Variants in CLSTN1 observed in about 807,000 individuals in gnomAD.
CLSTN1 encodes calsyntenin 1.
A neutral mutation model predicts 108.3 loss-of-function variants in CLSTN1; 28 were observed. That is an observed-to-expected ratio of 0.26 (90% CI 0.19 to 0.35). The LOEUF is 0.35. Among genes scored for constraint, CLSTN1 ranks in the 10% least tolerant of loss-of-function variants. The pLI is 1.00. For synonymous variants in CLSTN1, 524 were observed against 534.9 expected (o/e 0.98, Z 0.28); for missense variants, 1,157 against 1,302.6 (o/e 0.89, Z 1.72).
At chr1:9,793,153 T>G (rs1274890583) in intron 1 of CLSTN1, among the ~76,000 whole-genome samples, 1 of 151,184 alleles carries the variant, frequency 6.6e-6, no homozygotes, top group Non-Finnish European at 1.5e-5. Flanking sequence ...GCTGGGACTA[T>G]AAGCACGCGC....
intron 1 of CLSTN1, among the ~76,000 whole-genome samples, chr1:9,779,770 G>A (rs935202406): frequency 3.3e-5 from 5 of 151,944 alleles, no homozygotes; most frequent in Non-Finnish European, 7.4e-5. Context: ...TAGGCTGGAA[G>A]AAGCTTAGAG....
chr1:9,759,339 G>A (rs1411884778), intron 2 of CLSTN1, among the ~76,000 whole-genome samples: 1 of 151,926 alleles, frequency 6.6e-6, no homozygotes, highest in African/African-American at 2.4e-5. Flanking sequence ...GCAGTGGCAC[G>A]ATCTTGGCTC....
chr1:9,791,368 G>A (rs1180880493), intron 1 of CLSTN1, among the ~76,000 whole-genome samples: 2 of 151,154 alleles, frequency 1.3e-5, no homozygotes, highest in Non-Finnish European at 2.9e-5. Flanking sequence ...TCAGCCTCCC[G>A]AGTAGCTGGG....
In CLSTN1 at chr1:9,749,913, C is replaced by G; in HGVS notation, c.650G>C (p.Gly217Ala). The change falls in exon 6 of 19, where the codon GGT becomes GCT. Residue 217 changes from glycine (G) to alanine (A), a missense_variant and splice_region_variant. Transcript: ENST00000377298. ...PDVPFTVDKD[G>A]YIKNTEKLNY... ...TAATTTCTCTGTGTTTTTTATATAA[C>G]CTTACAGAGGGCAAAAACAACAGTG... 1 of 1,612,516 alleles carries G rather than the reference C, an allele frequency of 6.2e-7. No individual in the cohort carries two copies. Among genetic ancestry groups the G allele is most frequent in the Non-Finnish European group, 8.5e-7 (1 of 1,179,486 alleles).
intron 17 of CLSTN1, 46 bp downstream of exon 17, chr1:9,731,715 G>A (rs762187541): frequency 8.2e-5 from 132 of 1,607,678 alleles, no homozygotes; most frequent in Middle Eastern, 1.7e-4. Context: ...GGGGCAGGGC[G>A]GACGGCATGG....
At position 9,813,498 on chromosome 1, in the gene CLSTN1, CAAA is replaced by C. The variant is rs200184305; in HGVS notation, c.91+10142_91+10144del. On this transcript the variant is annotated intron_variant, in intron 1 of 18. Transcript: ENST00000377298. ...TGGGCAATACAGCAAGACTCTGTCTCAAAAAAAAAAAAAAGAAAGAAAGAAAAA... is the reference window on the plus strand; with the variant it reads ...TGGGCAATACAGCAAGACTCTGTCTCAAAAAAAAAAAGAAAGAAAGAAAAA... Among the ~76,000 whole-genome samples the C allele has an allele frequency of 5.2e-5, 6 of 114,406 alleles. No homozygotes were observed. The East Asian group carries it at 9.7e-4, about 18-fold the overall frequency. 75.1% of individuals were successfully genotyped at this position (114,406 alleles called of 152,430 possible). A position where few individuals can be genotyped will look rare whatever the true frequency, so the allele number is the denominator to read the frequency against.
intron 1 of CLSTN1, among the ~76,000 whole-genome samples, chr1:9,781,454 T>G (rs1432888458): frequency 6.6e-6 from 1 of 152,056 alleles, no homozygotes; most frequent in East Asian, 1.9e-4. Flanking sequence ...TTCTTTTTTT[T>G]TTTTTTGAGG....
chr1:9,767,257 G>A (rs1199948392), intron 2 of CLSTN1, among the ~76,000 whole-genome samples: 1 of 152,178 alleles, frequency 6.6e-6, no homozygotes, highest in South Asian at 2.1e-4. Context: ...GATTGGAGAA[G>A]AGAGGCTGGG....
At chr1:9,749,319 G>A (rs1210277772) in intron 7 of CLSTN1, 142 bp downstream of exon 7, 2 of 870,320 alleles carry the variant, frequency 2.3e-6, no homozygotes, top group South Asian at 1.8e-5. Flanking sequence ...AGCCAGCAAG[G>A]CAGCAAAGTT....
At chr1:9,820,281 A>G (rs559234963) in intron 1 of CLSTN1, among the ~76,000 whole-genome samples, 1 of 152,234 alleles carries the variant, frequency 6.6e-6, no homozygotes, top group African/African-American at 2.4e-5. Flanking sequence ...GCACTGTGGG[A>G]GGCAGAGGCA....
intron 1 of CLSTN1, among the ~76,000 whole-genome samples, chr1:9,811,997 C>T (rs879338689): frequency 5.3e-5 from 8 of 151,924 alleles, no homozygotes; most frequent in Non-Finnish European, 1.2e-4. Flanking sequence ...ATTAGCTGGG[C>T]GTGGTGGCAT....
In CLSTN1 at chr1:9,729,484, T is replaced by G. The variant is rs192396289; in HGVS notation, c.*1024A>C. 7 of 151,456 alleles carry G rather than the reference T, an allele frequency of 4.6e-5. No homozygotes were observed. The East Asian group carries it at 7.7e-4, about 17-fold the overall frequency. 9.4% of individuals were successfully genotyped at this position (151,456 alleles called of 1,614,324 possible). ...TTTGGAAAATTCCAGCACTTTGACT[T>G]CGGGCCATGCGTCTCTCCTGGACGT... On this transcript the variant is annotated 3_prime_UTR_variant, in exon 19 of 19. Transcript: ENST00000377298.
At chr1:9,807,142 C>CAAGCCTGTGAGAAGCCCTGCAGT (rs1463919889) in intron 1 of CLSTN1, among the ~76,000 whole-genome samples, 1 of 152,026 alleles carries the variant, frequency 6.6e-6, no homozygotes, top group African/African-American at 2.4e-5. Context: ...CAAGTGCACT[C>CAAGCCTGTGAGAAGCCCTGCAGT]AAGCCTGTGA....
intron 1 of CLSTN1, among the ~76,000 whole-genome samples, chr1:9,809,051 T>C (rs375875143): frequency 2.0e-5 from 3 of 151,986 alleles, no homozygotes; most frequent in African/African-American, 7.3e-5. Flanking sequence ...TCCACCAGAG[T>C]GAAAACCTCA....
rs1028717887 is a variant in CLSTN1 at position 9,770,292 on chromosome 1, A to C, written c.214+2980T>G. 5.4e-4 allele frequency among the ~76,000 whole-genome samples: 82 copies of C among 152,228 alleles called. 2 individuals carry two copies. Among genetic ancestry groups the C allele is most frequent in the Admixed American group, 6.5e-5 (1 of 15,274 alleles). On this transcript the variant is annotated intron_variant, in intron 2 of 18. Coordinates refer to ENST00000377298, the MANE Select transcript of CLSTN1 (RefSeq NM_001009566.3). ...AAAAAAACCTGAGAATCTCTAAAAA[A>C]TAAACTTGTATAAGTATTATTTCAT...
In CLSTN1 at chr1:9,798,799, G is replaced by A. The variant is rs77028546; in HGVS notation, c.91+24844C>T. 7.5e-3 allele frequency among the ~76,000 whole-genome samples: 1,136 copies of A among 152,280 alleles called. 13 individuals are homozygous for A. Among genetic ancestry groups the A allele is most frequent in the African/African-American group, 0.026 (1,063 of 41,554 alleles). On this transcript the variant is annotated intron_variant, in intron 1 of 18. Coordinates refer to ENST00000377298, the MANE Select transcript of CLSTN1 (RefSeq NM_001009566.3). ...AGTTGCTAATCTGTCCTAATAACAA[G>A]TAAAAAAGCCAAAGAAACTGAAAAA...
chr1:9,785,671 T>A (rs932401264), intron 1 of CLSTN1, among the ~76,000 whole-genome samples: 1 of 151,880 alleles, frequency 6.6e-6, no homozygotes, highest in African/African-American at 2.4e-5. Flanking sequence ...TCCTCCCTCC[T>A]CCCTTGAGAA....
chr1:9,805,663 T>C (rs1050153364), intron 1 of CLSTN1, among the ~76,000 whole-genome samples: 5 of 152,088 alleles, frequency 3.3e-5, no homozygotes, highest in Non-Finnish European at 7.4e-5. Flanking sequence ...GGTCAGGAGT[T>C]CAAGATCGGC....
At chr1:9,817,094 C>T (rs79954009) in intron 1 of CLSTN1, among the ~76,000 whole-genome samples, 1,989 of 152,274 alleles carry the variant, frequency 0.013, 30 homozygotes, top group East Asian at 0.044. Flanking sequence ...CGGCCAGGTG[C>T]GGTAGCTCAT....
Sources: allele counts gnomAD v4.1 joint callset (sites outside exome capture counted in the v4.1 genomes callset), GRCh38; gene constraint gnomAD v4.1.1; transcripts MANE v1.5; gene names NCBI Gene and HGNC (gene_info 2026-07-23, HGNC 2026-07-21).